Variants in ZFHX3 observed in about 807,000 individuals in gnomAD.
ZFHX3 encodes zinc finger homeobox 3, also known as zinc finger homeobox protein 3.
A neutral mutation model predicts 279.1 loss-of-function variants in ZFHX3; 42 were observed. That is an observed-to-expected ratio of 0.15 (90% CI 0.12 to 0.19). ZFHX3 has a LOEUF of 0.19. Among genes scored for constraint, ZFHX3 ranks in the 10% least tolerant of loss-of-function variants. The pLI, the probability that ZFHX3 is intolerant of heterozygous loss-of-function variation, is 1.00. For synonymous variants in ZFHX3, 2,293 were observed against 1,957.8 expected, an observed-to-expected ratio of 1.17 and a Z score of -4.52; for missense variants, 4,981 against 4,754.0, an observed-to-expected ratio of 1.05 and a Z score of -1.40.
intron 4 of ZFHX3, among the ~76,000 whole-genome samples, chr16:73,310,029 C>T (rs1415835336): frequency 1.3e-5 from 2 of 151,292 alleles, no homozygotes; most frequent in Non-Finnish European, 2.9e-5. Context: ...CTGCCTCAGC[C>T]TCCTGAGTAG....
intron 1 of ZFHX3, among the ~76,000 whole-genome samples, chr16:73,729,096 A>G (rs1010331406): frequency 5.3e-5 from 8 of 152,144 alleles, no homozygotes; most frequent in Non-Finnish European, 8.8e-5. Flanking sequence ...GTCTCTCAAC[A>G]GCCCCATTCT....
chr16:73,806,928 A>T (rs543937277), intron 1 of ZFHX3, among the ~76,000 whole-genome samples: 2 of 152,214 alleles, frequency 1.3e-5, no homozygotes, highest in South Asian at 4.1e-4. Context: ...AACTCAAGGG[A>T]ATGCGAGCGT....
chr16:73,589,919 G>T (rs138547471), intron 2 of ZFHX3, among the ~76,000 whole-genome samples: 1 of 152,242 alleles, frequency 6.6e-6, no homozygotes, highest in African/African-American at 2.4e-5. Flanking sequence ...ATCTCTCAGA[G>T]AAGAACTATT....
chr16:73,105,506 C>G (rs890034662), intron 7 of ZFHX3, among the ~76,000 whole-genome samples: 5 of 150,806 alleles, frequency 3.3e-5, no homozygotes, highest in Non-Finnish European at 7.4e-5. Context: ...AATCCCAGCA[C>G]TTTGGGAGGC....
intron 1 of ZFHX3, among the ~76,000 whole-genome samples, chr16:73,774,626 G>A (rs577313901): frequency 1.8e-4 from 28 of 152,306 alleles, no homozygotes; most frequent in Middle Eastern, 3.4e-3. Context: ...AAGGCAAATA[G>A]TTATGCACCA....
Position 72,788,037 on chromosome 16 carries a change from G to A in ZFHX3, c.10239C>T (p.Asp3413=), listed in dbSNP as rs1468643778. ...CTGGTTTGGGGGATTCTTTGGCAGG[G>A]TCTTTGTCTGGGGAAGGAGCCCCGG... is the stretch of plus-strand genomic sequence containing the variant. ...VPPGAPSPDK[D]PAKESPKPEE... The change falls in exon 10 of 10, where the codon GAC becomes GAT. Residue 3413 remains aspartate (D), a synonymous_variant. Coordinates refer to ENST00000268489, the MANE Select transcript of ZFHX3 (RefSeq NM_006885.4). The A allele has an allele frequency of 7.4e-6, 12 of 1,612,632 alleles. No individual in the cohort carries two copies. Among genetic ancestry groups the A allele is most frequent in the Non-Finnish European group, 6.8e-6 (8 of 1,179,940 alleles).
At chr16:72,812,177 G>T in intron 5 of ZFHX3, 139 bp from the exon 6 acceptor site, 2 of 1,221,588 alleles carry the variant, frequency 1.6e-6, no homozygotes, top group Non-Finnish European at 2.2e-6. Flanking sequence ...ATGAACATCC[G>T]GACTGATTTA....
chr16:73,376,876 T>C (rs775751031), intron 3 of ZFHX3, among the ~76,000 whole-genome samples: 13 of 152,176 alleles, frequency 8.5e-5, no homozygotes, highest in Non-Finnish European at 1.9e-4. Context: ...GCTGCCAATA[T>C]ATTATGGTAA....
chr16:72,897,141 G>A (rs1007387010), intron 3 of ZFHX3, among the ~76,000 whole-genome samples: 1 of 152,222 alleles, frequency 6.6e-6, no homozygotes, highest in African/African-American at 2.4e-5. Context: ...GAGCCTGTCT[G>A]TAACTCTTCT....
In ZFHX3 at chr16:72,787,506, G is replaced by T. The variant is rs779569649; in HGVS notation, c.10770C>A (p.Ala3590=). Residue 3590 remains alanine, a synonymous_variant, in exon 10 of 10, where the codon GCC becomes GCA. Coordinates refer to ENST00000268489, the MANE Select transcript of ZFHX3 (RefSeq NM_006885.4). ...DPSTASTSQS[A]AHSNDSPPPP... ...GAGGGGGGCTGTCGTTTGAGTGAGC[G>T]GCAGACTGCGAGGTAGATGCGGTGC... 1.9e-6 allele frequency: 3 copies of T among 1,613,882 alleles called. No individual in the cohort carries two copies. Among genetic ancestry groups the T allele is most frequent in the South Asian group, 2.2e-5 (2 of 91,068 alleles).
At chr16:73,026,693 A>AAAAAAAAAAAC (rs201116956) in intron 1 of ZFHX3, among the ~76,000 whole-genome samples, 16 of 144,632 alleles carry the variant, frequency 1.1e-4, no homozygotes, top group African/African-American at 1.3e-4. Context: ...AAAAAAAAAA[A>AAAAAAAAAAAC]AACACATAGT....
intron 1 of ZFHX3, among the ~76,000 whole-genome samples, chr16:73,026,868 C>T (rs61112816): frequency 6.6e-6 from 1 of 152,172 alleles, no homozygotes; most frequent in Non-Finnish European, 1.5e-5. Context: ...ACTAACGTGA[C>T]TTACCCAAGG....
intron 3 of ZFHX3, among the ~76,000 whole-genome samples, chr16:72,919,693 TA>T (rs1393686857): frequency 6.8e-6 from 1 of 146,738 alleles, no homozygotes; most frequent in East Asian, 2.1e-4. Context: ...CAATTTTACA[TA>T]AACGCAATGA....
intron 5 of ZFHX3, among the ~76,000 whole-genome samples, chr16:73,144,930 C>CTGTAAAGT (rs1293803533): frequency 6.6e-6 from 1 of 152,222 alleles, no homozygotes; most frequent in Non-Finnish European, 1.5e-5. Context: ...AATTCCCCCA[C>CTGTAAAGT]TGTAAAGTAC....
At chr16:72,881,700 G>A (rs978931037) in intron 4 of ZFHX3, among the ~76,000 whole-genome samples, 1 of 152,178 alleles carries the variant, frequency 6.6e-6, no homozygotes, top group African/African-American at 2.4e-5. Flanking sequence ...CCATATGGGA[G>A]GGGTCTGCAC....
At chr16:73,205,653 C>A (rs141698412) in intron 5 of ZFHX3, among the ~76,000 whole-genome samples, 2 of 152,040 alleles carry the variant, frequency 1.3e-5, no homozygotes, top group Non-Finnish European at 2.9e-5. Flanking sequence ...TGTGTGTGTG[C>A]GTGAATGAAG....
chr16:73,749,344 C>T (rs1047524204), intron 1 of ZFHX3, among the ~76,000 whole-genome samples: 3 of 148,080 alleles, frequency 2.0e-5, no homozygotes, highest in Admixed American at 2.0e-4. Context: ...AGCAACAGCA[C>T]CACCACCACC....
At chr16:73,354,758 T>C (rs775625080) in intron 3 of ZFHX3, among the ~76,000 whole-genome samples, 6 of 152,184 alleles carry the variant, frequency 3.9e-5, no homozygotes, top group Non-Finnish European at 8.8e-5. Context: ...AGGGTCAGGT[T>C]CTGGCTGCGT....
chr16:72,945,608 T>C (rs1466646031), intron 3 of ZFHX3, among the ~76,000 whole-genome samples: 1 of 152,192 alleles, frequency 6.6e-6, no homozygotes, highest in Non-Finnish European at 1.5e-5. Flanking sequence ...TTTCCTTTCA[T>C]TTTTTGGTTG....
Sources: allele counts gnomAD v4.1 joint callset (sites outside exome capture counted in the v4.1 genomes callset), GRCh38; gene constraint gnomAD v4.1.1; transcripts MANE v1.5; gene names NCBI Gene and HGNC (gene_info 2026-07-23, HGNC 2026-07-21).